The following ZNF641 variants were observed in gnomAD, a reference collection of about 807,000 sequenced individuals.
ZNF641 encodes the protein zinc finger protein 641.
A neutral mutation model predicts 46.2 loss-of-function variants in ZNF641; 26 were observed. The observed-to-expected ratio is 0.56, with a 90% CI of 0.41 to 0.78. The LOEUF (loss-of-function observed/expected upper bound fraction) is 0.78. ZNF641 is among the 30% of genes least tolerant of loss of function. ZNF641 has a pLI of 0.00. For missense variants in ZNF641, 469 were observed against 517.8 expected, an observed-to-expected ratio of 0.91 and a Z score of 0.91; for synonymous variants, 163 against 187.9, an observed-to-expected ratio of 0.87 and a Z score of 1.09.
intron 3 of ZNF641, 181 bp downstream of exon 3, chr12:48,347,071 T>A: frequency 8.9e-7 from 1 of 1,123,386 alleles, no homozygotes; most frequent in Non-Finnish European, 1.2e-6. Flanking sequence ...CCCTTTCTTG[T>A]AGGTCCATTT....
chr12:48,339,875 C>T lies in ZNF641; in HGVS notation c.*3098G>A. 1 of 955,468 alleles carries T rather than the reference C, an allele frequency of 1.0e-6. No individual in the cohort carries two copies. Among genetic ancestry groups the T allele is most frequent in the Non-Finnish European group, 1.2e-6 (1 of 802,504 alleles). The allele number at this position is 955,468 out of a possible 1,614,324, so 59.2% of individuals were successfully genotyped here. ...TAAATAGCCTGGTGAAAAGCTAACA[C>T]TTTCGGTTACAGTCTCCTATGCAAG... On this transcript the variant is annotated 3_prime_UTR_variant, in exon 6 of 6. Coordinates refer to ENST00000547026, the MANE Select transcript of ZNF641 (RefSeq NM_001172681.2).
At position 48,341,733 on chromosome 12, in the gene ZNF641, A is replaced by T; in HGVS notation, c.*1240T>A. 1 of 985,440 alleles carries T rather than the reference A, an allele frequency of 1.0e-6. No individual in the cohort carries two copies. The highest frequency in any genetic ancestry group is 4.7e-5 in the South Asian group (1 of 21,282). The allele number at this position is 985,440 out of a possible 1,614,324, so 61.0% of individuals were successfully genotyped here. On this transcript the variant is annotated 3_prime_UTR_variant, in exon 6 of 6. Coordinates refer to ENST00000547026, the MANE Select transcript of ZNF641 (RefSeq NM_001172681.2). Reference sequence around the variant, plus strand: ...AGTTTCTATGTGCCTCTTGCCTGAAATCAACAAGAAACAGCTCACCTCCCC... The same window carrying T: ...AGTTTCTATGTGCCTCTTGCCTGAATTCAACAAGAAACAGCTCACCTCCCC...
downstream of ZNF641, among the ~76,000 whole-genome samples, chr12:48,335,321 G>C (rs183185091): frequency 4.6e-5 from 7 of 152,206 alleles, no homozygotes; most frequent in Non-Finnish European, 7.4e-5. Flanking sequence ...CTCAGACCTC[G>C]CTAAACAAAG....
intron 4 of ZNF641, 149 bp from the exon 5 acceptor site, chr12:48,344,861 TC>T: frequency 1.7e-6 from 1 of 582,798 alleles, no homozygotes; most frequent in Non-Finnish European, 3.0e-6. Flanking sequence ...CCCAACCTCT[TC>T]CCCCACCCAT....
chr12:48,337,110 T>A (rs1172811616), downstream of ZNF641: 1 of 152,224 alleles, frequency 6.6e-6, no homozygotes, highest in Non-Finnish European at 1.5e-5. Context: ...CGTTCTGTGG[T>A]AGTCTTTTTT....
chr12:48,341,652 A>G lies in ZNF641; in HGVS notation c.*1321T>C. The G allele has an allele frequency of 1.0e-6, 1 of 985,444 alleles. No homozygotes were observed. Among genetic ancestry groups the G allele is most frequent in the Non-Finnish European group, 1.2e-6 (1 of 829,938 alleles). 61.0% of individuals were successfully genotyped at this position (985,444 alleles called of 1,614,324 possible). A position where few individuals can be genotyped will look rare whatever the true frequency, so the allele number is the denominator to read the frequency against. ...CCAGTGATGGCAACAACTTGCAAAC[A>G]CGTAATTCCTGCCCTAATTTTCCAG... is the stretch of plus-strand genomic sequence containing the variant. On this transcript the variant is annotated 3_prime_UTR_variant, in exon 6 of 6. Transcript: ENST00000547026.
At chr12:48,335,995 A>G (rs770812147), downstream of ZNF641, among the ~76,000 whole-genome samples, 19 of 152,240 alleles carry the variant, frequency 1.2e-4, no homozygotes, top group Non-Finnish European at 1.8e-4. Context: ...CGAATGTTCA[A>G]TGTCCTCTAG....
rs1264324455 is a variant in ZNF641, at chr12:48,338,880, G to A, written c.*4093C>T. On this transcript the variant is annotated 3_prime_UTR_variant, in exon 6 of 6. Coordinates refer to ENST00000547026, the MANE Select transcript of ZNF641 (RefSeq NM_001172681.2). ...GGTTCTTAAGGGCTTGGCATGGTAG[G>A]CCTTACTCTACCTTTGTGCTAGATG... is the stretch of plus-strand genomic sequence containing the variant. The A allele has an allele frequency of 6.6e-6, 1 of 152,066 alleles. No individual in the cohort carries two copies. The highest frequency in any genetic ancestry group is 1.5e-5 in the Non-Finnish European group (1 of 68,010). 9.4% of individuals were successfully genotyped at this position (152,066 alleles called of 1,614,324 possible).
At chr12:48,351,023 T>TGGGAGGGAGGGA (rs58351230), upstream of ZNF641, 1 of 81,434 alleles carries the variant, frequency 1.2e-5, no homozygotes, top group Non-Finnish European at 3.0e-5. Context: ...GGGAGAGGAG[T>TGGGAGGGAGGGA]GGGAGGGAGG....
rs1258364916 is a variant in ZNF641, at chr12:48,340,613, C to T, written c.*2360G>A. 10 of 985,294 alleles carry T rather than the reference C, an allele frequency of 1.0e-5. No homozygotes were observed. The highest frequency in any genetic ancestry group is 1.2e-5 in the Non-Finnish European group (10 of 829,944). The allele number at this position is 985,294 out of a possible 1,614,324, so 61.0% of individuals were successfully genotyped here. A position where few individuals can be genotyped will look rare whatever the true frequency, so the allele number is the denominator to read the frequency against. ...CAAATATATAATGACCATTTTAGAT[C>T]GGGGAACTCCCTTTCTTTGAAGGCA... On this transcript the variant is annotated 3_prime_UTR_variant, in exon 6 of 6. Transcript: ENST00000547026.
chr12:48,342,104 G>A lies in ZNF641; in HGVS notation c.*869C>T. On this transcript the variant is annotated 3_prime_UTR_variant, in exon 6 of 6. Transcript: ENST00000547026. ...AAGAGGAGAGAGGGGACTGTTCAAG[G>A]GGATAAAGTTTTTTTTGTTTTTCTG... 13 of 985,498 alleles carry A rather than the reference G, an allele frequency of 1.3e-5. No homozygotes were observed. The highest frequency in any genetic ancestry group is 1.6e-5 in the Non-Finnish European group (13 of 830,028). The allele number at this position is 985,498 out of a possible 1,614,324, so 61.0% of individuals were successfully genotyped here.
rs536643824 is a variant in ZNF641 at position 48,341,609 on chromosome 12, G to A, written c.*1364C>T. On this transcript the variant is annotated 3_prime_UTR_variant, in exon 6 of 6. Transcript: ENST00000547026. ...TCAAGAATAACTCTTGCCCCTTGAT[G>A]AGGCAGTCAAATTCAAACCAGTGAT... The A allele has an allele frequency of 3.6e-5, 35 of 985,426 alleles. No individual in the cohort carries two copies. The highest frequency in any genetic ancestry group is 2.5e-4 in the Admixed American group (4 of 16,290). 61.0% of individuals were successfully genotyped at this position (985,426 alleles called of 1,614,324 possible).
chr12:48,351,149 G>C (rs544484355), upstream of ZNF641: 3 of 152,322 alleles, frequency 2.0e-5, no homozygotes, highest in South Asian at 6.2e-4. Flanking sequence ...CTTGGAGGGC[G>C]GCGGGCGCCG....
In ZNF641 at chr12:48,343,018, T is replaced by C. The variant is rs772396477; in HGVS notation, c.1230A>G (p.Gly410=). The change falls in exon 6 of 6, where the codon GGA becomes GGG. Residue 410 remains glycine (G), a synonymous_variant. Transcript: ENST00000547026. ...HLDRHLLTHQ[G]QSPRNSWDRG... ...TGTCCCAGCTGTTCCGGGGACTTTG[T>C]CCCTGGTGGGTGAGCAGGTGCCTGT... is the stretch of plus-strand genomic sequence containing the variant. The C allele has an allele frequency of 1.2e-6, 2 of 1,614,174 alleles. No homozygotes were observed. The highest frequency in any genetic ancestry group is 1.3e-5 in the African/African-American group (1 of 75,064).
chr12:48,336,685 CCA>C (rs561956782), downstream of ZNF641, among the ~76,000 whole-genome samples: 388 of 152,326 alleles, frequency 2.5e-3, no homozygotes, highest in Non-Finnish European at 4.3e-3. Context: ...TCAGGAATAT[CCA>C]GTTATTGCAA....
rs995804537 is a variant in ZNF641 at position 48,341,345 on chromosome 12, G to T, written c.*1628C>A. 2.4e-4 allele frequency: 233 copies of T among 985,212 alleles called. No homozygotes were observed. Among genetic ancestry groups the T allele is most frequent in the Non-Finnish European group, 2.6e-4 (214 of 829,892 alleles). 61.0% of individuals were successfully genotyped at this position (985,212 alleles called of 1,614,324 possible). ...AACCCCGAACTGCTCTTACATACAAGATAATTTTTAAATTATAAGATTGGT... is the reference window on the plus strand; with the variant it reads ...AACCCCGAACTGCTCTTACATACAATATAATTTTTAAATTATAAGATTGGT... On this transcript the variant is annotated 3_prime_UTR_variant, in exon 6 of 6. Transcript: ENST00000547026.
chr12:48,343,295 T>A lies in ZNF641; in HGVS notation c.953A>T (p.Asn318Ile). The change falls in exon 6 of 6, where the codon AAC (asparagine) becomes ATC (isoleucine). Residue 318 changes from asparagine to isoleucine, a missense_variant. Around this residue, in one of 3 missense-constraint regions of ZNF641, gnomAD observed 346 missense variants for 354.0 expected, o/e 0.98. Transcript: ENST00000547026. ...TCTCTGGTGGCTGGCCAGATGGGAG[T>A]TGCATCGGAAATTCTTACCACACTC... ...CSECGKNFRC[N>I]SHLASHQRVH... 1.2e-6 allele frequency: 2 copies of A among 1,614,154 alleles called. No homozygotes were observed. Among genetic ancestry groups the A allele is most frequent in the Non-Finnish European group, 1.7e-6 (2 of 1,180,026 alleles).
chr12:48,342,693 C>T lies in ZNF641; in HGVS notation c.*280G>A. On this transcript the variant is annotated 3_prime_UTR_variant, in exon 6 of 6. Transcript: ENST00000547026. ...AATCAGAATGGATTTCAGCCATAAA[C>T]TGCCAGTACCACTCTCCTCTTGAGA... 1 of 969,634 alleles carries T rather than the reference C, an allele frequency of 1.0e-6. No homozygotes were observed. Among genetic ancestry groups the T allele is most frequent in the Non-Finnish European group, 1.4e-6 (1 of 732,820 alleles). The allele number at this position is 969,634 out of a possible 1,614,324, so 60.1% of individuals were successfully genotyped here.
upstream of ZNF641, chr12:48,350,985 G>C (rs1953020843): frequency 3.1e-6 from 1 of 327,568 alleles, no homozygotes; most frequent in Admixed American, 6.5e-5. Flanking sequence ...CGGCGGAGGT[G>C]CGGGGAGTGG....
Sources: allele counts gnomAD v4.1 joint callset (sites outside exome capture counted in the v4.1 genomes callset), GRCh38; gene constraint gnomAD v4.1.1; regional missense constraint gnomAD v4.1.1; transcripts MANE v1.5; gene names NCBI Gene and HGNC (gene_info 2026-07-23, HGNC 2026-07-21).